Variants in CFAP54 observed in about 807,000 individuals in gnomAD.
The protein encoded by CFAP54 is cilia and flagella associated protein 54.
A neutral mutation model predicts 370.4 loss-of-function variants in CFAP54; 290 were observed. That is an observed-to-expected ratio of 0.78 (90% confidence interval 0.71 to 0.86). CFAP54 has a LOEUF of 0.86. CFAP54 is among the 40% of genes least tolerant of loss of function. The pLI is 0.00. For synonymous variants in CFAP54, 1,206 were observed against 1,236.5 expected (o/e 0.98, Z 0.52); for missense variants, 3,399 against 3,528.7 (o/e 0.96, Z 0.93).
rs1555339655 is a variant in CFAP54 at position 96,825,284 on chromosome 12, T to TATATAATATAATATATTATATATATA, written c.9097-3719_9097-3694dup. Reference sequence around the variant, plus strand: ...ATATATAATATAACATGTTATATTATATATAATATAATATATTATATATAT... The same window carrying TATATAATATAATATATTATATATATA: ...ATATATAATATAACATGTTATATTATATATAATATAATATATTATATATATAATATAATATAATATATTATATATAT... On this transcript the variant is annotated intron_variant, in intron 65 of 67. Transcript: ENST00000524981. 9.7e-3 allele frequency among the ~76,000 whole-genome samples: 1,243 copies of TATATAATATAATATATTATATATATA among 128,558 alleles called. 35 individuals carry two copies. Among genetic ancestry groups the TATATAATATAATATATTATATATATA allele is most frequent in the African/African-American group, 0.036 (1,177 of 32,848 alleles). The allele number at this position is 128,558 out of a possible 152,430, so 84.3% of individuals were successfully genotyped here.
chr12:96,519,314 A>G (rs1955277277), intron 6 of CFAP54, among the ~76,000 whole-genome samples: 1 of 152,004 alleles, frequency 6.6e-6, no homozygotes, highest in Non-Finnish European at 1.5e-5. Flanking sequence ...GATCAGGCTG[A>G]TTTCGAACTC....
At chr12:96,634,336 G>A in intron 32 of CFAP54, among the ~76,000 whole-genome samples, 1 of 151,970 alleles carries the variant, frequency 6.6e-6, no homozygotes. Flanking sequence ...TTACAAGCGT[G>A]AGCCACCGTG....
intron 44 of CFAP54, among the ~76,000 whole-genome samples, chr12:96,691,882 A>C (rs1314170267): frequency 6.6e-6 from 1 of 152,032 alleles, no homozygotes; most frequent in Non-Finnish European, 1.5e-5. Flanking sequence ...TGGTTGCATT[A>C]AAAAAATTAG....
intron 34 of CFAP54, among the ~76,000 whole-genome samples, chr12:96,648,702 C>T (rs1956826243): frequency 1.3e-5 from 2 of 150,982 alleles, no homozygotes; most frequent in South Asian, 4.2e-4. Context: ...GATTCTCCTG[C>T]CTCAGCCTCC....
At chr12:96,681,257 G>A (rs1051403312) in intron 40 of CFAP54, among the ~76,000 whole-genome samples, 3 of 152,048 alleles carry the variant, frequency 2.0e-5, no homozygotes, top group Non-Finnish European at 4.4e-5. Flanking sequence ...TCCTCAGGCT[G>A]TAGACTTCAA....
At chr12:96,728,076 G>T (rs911517010) in intron 50 of CFAP54, among the ~76,000 whole-genome samples, 6 of 152,186 alleles carry the variant, frequency 3.9e-5, no homozygotes. Flanking sequence ...CCCTTTGTGG[G>T]TAACCCAACC....
rs4018882 is a variant in CFAP54 at position 96,535,008 on chromosome 12, CTGTGTGTGTGTGTGTG to C, written c.1706-477_1706-462del. Among the ~76,000 whole-genome samples, 348 of 137,444 alleles carry C rather than the reference CTGTGTGTGTGTGTGTG, an allele frequency of 2.5e-3. 2 individuals carry two copies. Among genetic ancestry groups the C allele is most frequent in the East Asian group, 8.5e-3 (40 of 4,694 alleles). 90.2% of individuals were successfully genotyped at this position (137,444 alleles called of 152,430 possible). A position where few individuals can be genotyped will look rare whatever the true frequency, so the allele number is the denominator to read the frequency against. ...GAGCCACTAAGATTAGTTTTCTTTT[CTGTGTGTGTGTGTGTG>C]TGTGTGTGTGTGTGTGTGTGTGTGT... On this transcript the variant is annotated intron_variant, in intron 11 of 67. Transcript: ENST00000524981.
intron 63 of CFAP54, among the ~76,000 whole-genome samples, chr12:96,798,998 A>G (rs1463888809): frequency 6.6e-6 from 1 of 152,160 alleles, no homozygotes; most frequent in African/African-American, 2.4e-5. Context: ...TGTATCGTAG[A>G]TATAATTTAT....
chr12:96,736,740 A>G (rs1485317610), intron 50 of CFAP54, among the ~76,000 whole-genome samples: 1 of 152,238 alleles, frequency 6.6e-6, no homozygotes, highest in East Asian at 1.9e-4. Flanking sequence ...GGCAAAAGGC[A>G]TTGAACTGCA....
chr12:96,533,616 TC>T (rs1366179069), intron 9 of CFAP54, among the ~76,000 whole-genome samples, 175 bp from the exon 10 acceptor site: 1 of 152,164 alleles, frequency 6.6e-6, no homozygotes, highest in Non-Finnish European at 1.5e-5. Context: ...TTCCTATTTG[TC>T]CCTAAAGCAC....
intron 46 of CFAP54, among the ~76,000 whole-genome samples, chr12:96,700,931 C>G: frequency 6.6e-6 from 1 of 152,030 alleles, no homozygotes; most frequent in East Asian, 1.9e-4. Flanking sequence ...GGAGAATGAG[C>G]TATAAGTCTT....
intron 66 of CFAP54, among the ~76,000 whole-genome samples, chr12:96,836,396 C>G (rs1565997591): frequency 6.6e-6 from 1 of 152,140 alleles, no homozygotes; most frequent in Admixed American, 6.5e-5. Context: ...TTTGATCTTT[C>G]TTTAACTACA....
chr12:96,658,415 G>T (rs1956949824), intron 38 of CFAP54, 69 bp downstream of exon 38: 5 of 1,521,674 alleles, frequency 3.3e-6, no homozygotes, highest in African/African-American at 2.8e-5. Flanking sequence ...AAAATACAAA[G>T]ATTTAGAAGT....
intron 40 of CFAP54, among the ~76,000 whole-genome samples, chr12:96,683,823 A>T (rs567365897): frequency 1.3e-5 from 2 of 151,814 alleles, no homozygotes; most frequent in African/African-American, 4.8e-5. Context: ...ATGGAGTCTC[A>T]CTCTGTTGCC....
rs3055725 is a variant in CFAP54, at chr12:96,581,673, AATAT to A, written c.3075+582_3075+585del. Among the ~76,000 whole-genome samples the A allele has an allele frequency of 8.3e-3, 1,239 of 149,838 alleles. 22 individuals carry two copies. The highest frequency in any genetic ancestry group is 0.029 in the African/African-American group (1,173 of 41,020). The stretch of plus-strand genomic sequence containing the variant: ...TATCTGCCTATTTATCTATCTAATT[AATAT>A]ATATATATATATACATGCACACACA... On this transcript the variant is annotated intron_variant, in intron 22 of 67. Transcript: ENST00000524981.
chr12:96,605,183 A>G (rs1189389797), intron 26 of CFAP54, among the ~76,000 whole-genome samples: 3 of 152,202 alleles, frequency 2.0e-5, no homozygotes, highest in Admixed American at 1.3e-4. Flanking sequence ...ACCCTAAAAC[A>G]TTAATTATAT....
At chr12:96,504,238 C>T (rs1051463289) in intron 3 of CFAP54, among the ~76,000 whole-genome samples, 2 of 152,198 alleles carry the variant, frequency 1.3e-5, no homozygotes, top group Admixed American at 6.5e-5. Flanking sequence ...ACTGCAGTCA[C>T]TCATTCATGT....
At chr12:96,723,566 G>C (rs1307085781) in intron 50 of CFAP54, among the ~76,000 whole-genome samples, 2 of 152,134 alleles carry the variant, frequency 1.3e-5, no homozygotes, top group African/African-American at 4.8e-5. Flanking sequence ...ACCTTCACAG[G>C]AGTAACTTTA....
At chr12:96,606,304 T>A (rs140387962) in intron 26 of CFAP54, among the ~76,000 whole-genome samples, 56 of 152,128 alleles carry the variant, frequency 3.7e-4, no homozygotes, top group African/African-American at 1.3e-3. Flanking sequence ...TACAGTTGAG[T>A]GGGCAGGTTT....
Sources: gnomAD v4.1 joint callset for allele counts (sites outside exome capture counted in the v4.1 genomes callset) on GRCh38, gnomAD v4.1.1 for gene constraint, MANE v1.5 for transcripts, NCBI Gene and HGNC (gene_info 2026-07-23, HGNC 2026-07-21) for gene names.